Variants in DSCAM observed in about 807,000 individuals in gnomAD.
DSCAM encodes DS cell adhesion molecule, also known as cell adhesion molecule DSCAM.
In DSCAM, 47 loss-of-function variants were observed where a neutral mutation model predicts 217.7. That is an observed-to-expected ratio of 0.22 (90% confidence interval 0.17 to 0.28). The LOEUF (loss-of-function observed/expected upper bound fraction) is 0.28, where lower values mean the gene tolerates loss of function less well. DSCAM is among the 10% of genes least tolerant of loss of function. The pLI, the probability that DSCAM is intolerant of heterozygous loss-of-function variation, is 1.00. For synonymous variants in DSCAM, 1,056 were observed against 1,015.3 expected, an observed-to-expected ratio of 1.04 and a Z score of -0.76; for missense variants, 2,080 against 2,618.3, an observed-to-expected ratio of 0.79 and a Z score of 4.49.
Position 40,349,701 on chromosome 21 carries a change from G to T in DSCAM, c.935-1756C>A, listed in dbSNP as rs143802522. Among the ~76,000 whole-genome samples, 486 of 152,194 alleles carry T rather than the reference G, an allele frequency of 3.2e-3. 5 individuals are homozygous for T. Among genetic ancestry groups the T allele is most frequent in the Non-Finnish European group, 4.1e-3 (278 of 68,018 alleles). On this transcript the variant is annotated intron_variant, in intron 5 of 32. Transcript: ENST00000400454. ...TAACTCAGCCAAATCCAATCAACAG[G>T]TAAATGGCAAATCAAAACAAAACAA...
At chr21:40,175,576 T>G (rs1052336561) in intron 15 of DSCAM, among the ~76,000 whole-genome samples, 2 of 152,042 alleles carry the variant, frequency 1.3e-5, no homozygotes, top group Non-Finnish European at 2.9e-5. Flanking sequence ...TATTGGGCCT[T>G]GGGCCTATTG....
intron 1 of DSCAM, among the ~76,000 whole-genome samples, chr21:40,769,216 ACAC>A (rs1736129968): frequency 1.7e-5 from 2 of 117,102 alleles, no homozygotes; most frequent in African/African-American, 7.9e-5. Flanking sequence ...TCTCTGTGAT[ACAC>A]TACTTGTTCT....
chr21:40,767,780 G>A (rs1390326091), intron 1 of DSCAM, among the ~76,000 whole-genome samples: 2 of 152,098 alleles, frequency 1.3e-5, no homozygotes, highest in Non-Finnish European at 2.9e-5. Flanking sequence ...TCTACGGATG[G>A]TGCCACCTGT....
At chr21:40,554,898 G>A (rs2076659044) in intron 3 of DSCAM, among the ~76,000 whole-genome samples, 1 of 151,878 alleles carries the variant, frequency 6.6e-6, no homozygotes, top group Admixed American at 6.6e-5. Context: ...TATTTTCTTG[G>A]TGATTTCCCC....
intron 3 of DSCAM, among the ~76,000 whole-genome samples, chr21:40,415,547 T>C (rs2075362902): frequency 6.6e-6 from 1 of 152,208 alleles, no homozygotes; most frequent in African/African-American, 2.4e-5. Flanking sequence ...TTAGGAGACA[T>C]TGTGATAATA....
chr21:40,060,654 C>T (rs1222583132), intron 28 of DSCAM, among the ~76,000 whole-genome samples: 1 of 152,208 alleles, frequency 6.6e-6, no homozygotes, highest in Non-Finnish European at 1.5e-5. Context: ...GCACCATTAT[C>T]ACCTCCGCGG....
intron 3 of DSCAM, among the ~76,000 whole-genome samples, chr21:40,659,963 A>T (rs1273256574): frequency 3.3e-5 from 5 of 152,252 alleles, no homozygotes; most frequent in African/African-American, 9.6e-5. Context: ...AGAGAATAGC[A>T]AATGGTGCAT....
chr21:40,553,911 G>A (rs922685393), intron 3 of DSCAM, among the ~76,000 whole-genome samples: 7 of 152,008 alleles, frequency 4.6e-5, no homozygotes, highest in East Asian at 1.9e-4. Context: ...AACAGGTTAC[G>A]TGACTTATCC....
At chr21:40,313,669 C>T (rs936986238) in intron 8 of DSCAM, among the ~76,000 whole-genome samples, 4 of 151,766 alleles carry the variant, frequency 2.6e-5, no homozygotes, top group South Asian at 2.1e-4. Context: ...TGTTACCTTG[C>T]CCTTTTGGTC....
intron 1 of DSCAM, among the ~76,000 whole-genome samples, chr21:40,815,727 A>G (rs1482342217): frequency 6.6e-6 from 1 of 152,144 alleles, no homozygotes; most frequent in Non-Finnish European, 1.5e-5. Flanking sequence ...GAGTTTAGGG[A>G]TTTAGGTTAT....
chr21:40,825,033 A>G (rs1158959546), intron 1 of DSCAM, among the ~76,000 whole-genome samples: 1 of 152,098 alleles, frequency 6.6e-6, no homozygotes. Flanking sequence ...AGCATGTCCT[A>G]TTGTCCTGGA....
intron 3 of DSCAM, among the ~76,000 whole-genome samples, chr21:40,681,117 G>A (rs2090395748): frequency 6.6e-6 from 1 of 152,222 alleles, no homozygotes; most frequent in Admixed American, 6.5e-5. Flanking sequence ...AATCACTTGG[G>A]AAACTGATGA....
intron 19 of DSCAM, among the ~76,000 whole-genome samples, chr21:40,129,919 A>AT (rs960942284): frequency 1.3e-5 from 2 of 152,028 alleles, no homozygotes; most frequent in East Asian, 1.9e-4. Context: ...ATGTCAGCTT[A>AT]TTTTTTTGCT....
chr21:40,452,629 T>A (rs999944869), intron 3 of DSCAM, among the ~76,000 whole-genome samples: 3 of 152,160 alleles, frequency 2.0e-5, no homozygotes, highest in African/African-American at 7.2e-5. Context: ...GCACTCATGC[T>A]CTAGCAAGCA....
In DSCAM at chr21:40,155,075, A is replaced by G. The variant is rs185831063; in HGVS notation, c.3019-10344T>C. On this transcript the variant is annotated intron_variant, in intron 16 of 32. Transcript: ENST00000400454. ...AGCTTCCGCTTTATTCATCCAGCCA[A>G]CAAACACCTGTGACATAGCTCCTCT... Among the ~76,000 whole-genome samples the G allele has an allele frequency of 9.8e-5, 15 of 152,336 alleles. 1 individual carries two copies. In the Middle Eastern group the frequency reaches 0.014, roughly 138 times the overall value.
intron 3 of DSCAM, among the ~76,000 whole-genome samples, chr21:40,377,147 A>G (rs2074971890): frequency 6.6e-6 from 1 of 152,178 alleles, no homozygotes; most frequent in Non-Finnish European, 1.5e-5. Flanking sequence ...TTTCGGCATT[A>G]TTTATGTTAT....
chr21:40,098,005 A>G (rs2089704293), intron 20 of DSCAM, among the ~76,000 whole-genome samples: 1 of 145,688 alleles, frequency 6.9e-6, no homozygotes. Flanking sequence ...AAAGAAAGAA[A>G]GAAAGAAAGA....
intron 16 of DSCAM, among the ~76,000 whole-genome samples, chr21:40,155,424 C>G (rs546003717): frequency 6.6e-6 from 1 of 152,200 alleles, no homozygotes; most frequent in African/African-American, 2.4e-5. Context: ...TGGCCCACCA[C>G]ACACGCCTGG....
At chr21:40,261,140 T>C (rs189631355) in intron 11 of DSCAM, among the ~76,000 whole-genome samples, 1 of 152,356 alleles carries the variant, frequency 6.6e-6, no homozygotes, top group East Asian at 1.9e-4. Context: ...TCTTTACCCA[T>C]AACAGCATTA....
Sources: allele counts gnomAD v4.1 joint callset (sites outside exome capture counted in the v4.1 genomes callset), GRCh38; gene constraint gnomAD v4.1.1; transcripts MANE v1.5; gene names NCBI Gene and HGNC (gene_info 2026-07-23, HGNC 2026-07-21).